The following MARCHF1 variants were observed in gnomAD, a reference collection of about 807,000 sequenced individuals.
MARCHF1 encodes the protein membrane associated ring-CH-type finger 1, also known as E3 ubiquitin-protein ligase MARCHF1.
Under a neutral mutation model 54.2 loss-of-function variants are expected in MARCHF1, and 40 were observed. That is an observed-to-expected ratio of 0.74 (90% CI 0.57 to 0.96). The LOEUF (loss-of-function observed/expected upper bound fraction) is 0.96. Among genes scored for constraint, MARCHF1 ranks in the 40% least tolerant of loss-of-function variants. The pLI is 0.00. For synonymous variants in MARCHF1, 236 were observed against 236.3 expected (o/e 1.00, Z 0.01); for missense variants, 586 against 656.5 (o/e 0.89, Z 1.17).
intron 3 of MARCHF1, among the ~76,000 whole-genome samples, chr4:163,876,278 G>T (rs769733576): frequency 2.1e-4 from 32 of 152,162 alleles, no homozygotes; most frequent in African/African-American, 4.1e-4. Flanking sequence ...TTCAGAATTT[G>T]TTCTGTCATC....
At chr4:163,615,664 C>T (rs993688303) in intron 5 of MARCHF1, among the ~76,000 whole-genome samples, 1 of 152,060 alleles carries the variant, frequency 6.6e-6, no homozygotes, top group African/African-American at 2.4e-5. Flanking sequence ...AAGCAATCTA[C>T]AGTTTCAGTG....
chr4:164,205,783 T>C (rs1731590723), intron 1 of MARCHF1, among the ~76,000 whole-genome samples: 1 of 152,180 alleles, frequency 6.6e-6, no homozygotes, highest in African/African-American at 2.4e-5. Flanking sequence ...TAGAGTACTA[T>C]ATCTCTACAA....
chr4:163,774,898 T>C (rs1277718634), intron 4 of MARCHF1, among the ~76,000 whole-genome samples: 1 of 152,176 alleles, frequency 6.6e-6, no homozygotes, highest in Non-Finnish European at 1.5e-5. Context: ...TTCAGTATGT[T>C]GGATTACTTC....
chr4:164,063,632 C>T (rs1260624654), intron 2 of MARCHF1, among the ~76,000 whole-genome samples: 1 of 152,128 alleles, frequency 6.6e-6, no homozygotes, highest in Non-Finnish European at 1.5e-5. Flanking sequence ...GGGCCTAGCC[C>T]CTATTTCTCT....
At chr4:163,553,525 G>C (rs146688216) in intron 8 of MARCHF1, among the ~76,000 whole-genome samples, 5 of 152,198 alleles carry the variant, frequency 3.3e-5, no homozygotes, top group African/African-American at 1.2e-4. Flanking sequence ...AGATAAGAAG[G>C]GTTATTACAA....
intron 3 of MARCHF1, among the ~76,000 whole-genome samples, chr4:163,886,276 T>G (rs1042432066): frequency 6.7e-6 from 1 of 150,154 alleles, no homozygotes; most frequent in South Asian, 2.1e-4. Flanking sequence ...TAGATATAGA[T>G]AGATATATAG....
At chr4:164,266,059 T>C (rs920796764) in intron 1 of MARCHF1, among the ~76,000 whole-genome samples, 3 of 152,302 alleles carry the variant, frequency 2.0e-5, no homozygotes, top group Admixed American at 2.0e-4. Flanking sequence ...GAATAGTGCC[T>C]GGAATATGCA....
At chr4:163,867,513 G>T (rs1750079092) in intron 3 of MARCHF1, among the ~76,000 whole-genome samples, 1 of 151,362 alleles carries the variant, frequency 6.6e-6, no homozygotes. Context: ...AATCTAATTA[G>T]AATTAATTCA....
At chr4:163,940,194 A>G (rs1751883784) in intron 3 of MARCHF1, among the ~76,000 whole-genome samples, 1 of 152,184 alleles carries the variant, frequency 6.6e-6, no homozygotes, top group Admixed American at 6.5e-5. Context: ...TCCAGACCAA[A>G]AAACAAAGAA....
intron 8 of MARCHF1, among the ~76,000 whole-genome samples, chr4:163,561,855 T>G (rs1274703692): frequency 6.6e-6 from 1 of 152,214 alleles, no homozygotes; most frequent in Non-Finnish European, 1.5e-5. Flanking sequence ...AAAACATCTA[T>G]CTTTTGGTTC....
intron 1 of MARCHF1, among the ~76,000 whole-genome samples, chr4:164,143,930 C>T (rs931460084): frequency 6.6e-6 from 1 of 152,158 alleles, no homozygotes; most frequent in Non-Finnish European, 1.5e-5. Flanking sequence ...TGAAACCCAT[C>T]TCACGTGCAG....
intron 8 of MARCHF1, among the ~76,000 whole-genome samples, chr4:163,550,292 AAAAAAAAAGAAAAG>A (rs1454187517): frequency 2.9e-3 from 436 of 151,664 alleles, no homozygotes; most frequent in African/African-American, 9.7e-3. Flanking sequence ...AAAAAAAAAA[AAAAAAAAAGAAAAG>A]AAAAGAAAAG....
rs1455702445 is a variant in MARCHF1, at chr4:163,736,085, T to G, written c.112-35222A>C. Among the ~76,000 whole-genome samples, 4 of 152,200 alleles carry G rather than the reference T, an allele frequency of 2.6e-5. No individual in the cohort carries two copies. In the South Asian group the frequency reaches 8.3e-4, roughly 32 times the overall value. On this transcript the variant is annotated intron_variant, in intron 4 of 9. Transcript: ENST00000514618. ...AATTTCATGGATAGAAGATTTATTC[T>G]TACCGTAAATCTTAGCAACCTTAGC...
intron 2 of MARCHF1, among the ~76,000 whole-genome samples, chr4:164,041,888 C>A (rs1326536604): frequency 6.6e-6 from 1 of 152,084 alleles, no homozygotes; most frequent in Non-Finnish European, 1.5e-5. Flanking sequence ...TAAGTAATCT[C>A]ATTTCTTAAA....
intron 7 of MARCHF1, among the ~76,000 whole-genome samples, chr4:163,605,383 G>A (rs980841165): frequency 1.3e-5 from 2 of 152,048 alleles, no homozygotes; most frequent in Admixed American, 6.6e-5. Context: ...TTAGAATGGC[G>A]ATCATTAACA....
chr4:164,075,237 T>A (rs1754952692), intron 2 of MARCHF1, among the ~76,000 whole-genome samples: 3 of 152,222 alleles, frequency 2.0e-5, no homozygotes, highest in Admixed American at 2.0e-4. Context: ...TTCATTTAAT[T>A]GGAAAAATAC....
At chr4:164,211,834 C>T (rs748282775) in intron 1 of MARCHF1, among the ~76,000 whole-genome samples, 32 of 151,998 alleles carry the variant, frequency 2.1e-4, no homozygotes, top group Non-Finnish European at 4.1e-4. Flanking sequence ...CGCTTTGAAA[C>T]TTACAGTGAT....
chr4:163,681,893 A>G (rs1223308886), intron 5 of MARCHF1, among the ~76,000 whole-genome samples: 2 of 152,212 alleles, frequency 1.3e-5, no homozygotes, highest in Non-Finnish European at 2.9e-5. Flanking sequence ...GGTAATAGGC[A>G]GAGGCTGGAA....
intron 3 of MARCHF1, among the ~76,000 whole-genome samples, chr4:163,863,369 A>G (rs1749982123): frequency 6.6e-6 from 1 of 152,080 alleles, no homozygotes; most frequent in Non-Finnish European, 1.5e-5. Context: ...AGTTCATAAC[A>G]TGGTCCCCTA....
Sources: allele counts gnomAD v4.1 joint callset (sites outside exome capture counted in the v4.1 genomes callset), GRCh38; gene constraint gnomAD v4.1.1; transcripts MANE v1.5; gene names NCBI Gene and HGNC (gene_info 2026-07-23, HGNC 2026-07-21).